Variants in GPC5 observed in about 807,000 individuals in gnomAD.
The protein encoded by GPC5 is glypican-5.
GPC5 carries 47 observed loss-of-function variants against 53.9 expected under a neutral mutation model. The ratio of observed to expected loss-of-function variants is 0.87; its 90% CI spans 0.69 to 1.11. The LOEUF (loss-of-function observed/expected upper bound fraction) is 1.11, where lower values mean the gene tolerates loss of function less well. Ranked by LOEUF, GPC5 falls within the 50% of genes most tolerant of loss-of-function variation. The pLI is 0.00. For synonymous variants in GPC5, 286 were observed against 263.3 expected (o/e 1.09, Z -0.84); for missense variants, 748 against 713.1 (o/e 1.05, Z -0.56).
intron 1 of GPC5, among the ~76,000 whole-genome samples, chr13:91,440,796 C>T (rs1481608166): frequency 6.6e-6 from 1 of 152,210 alleles, no homozygotes; most frequent in African/African-American, 2.4e-5. Context: ...TGGGCAACAA[C>T]TATAATTTTC....
chr13:91,639,675 C>G (rs545870198), intron 2 of GPC5, among the ~76,000 whole-genome samples: 1 of 151,842 alleles, frequency 6.6e-6, no homozygotes, highest in African/African-American at 2.4e-5. Flanking sequence ...GTCATTCTGA[C>G]GCAGTCACAG....
intron 6 of GPC5, among the ~76,000 whole-genome samples, chr13:92,108,116 C>T (rs2041524628): frequency 6.6e-6 from 1 of 152,184 alleles, no homozygotes; most frequent in Admixed American, 6.5e-5. Flanking sequence ...TTTCCTTTGT[C>T]ATAGCTGTTA....
intron 6 of GPC5, among the ~76,000 whole-genome samples, chr13:91,977,861 C>G (rs2040318473): frequency 6.6e-6 from 1 of 151,158 alleles, no homozygotes; most frequent in Non-Finnish European, 1.5e-5. Flanking sequence ...CCTGTAATCT[C>G]GGCACTTTGG....
chr13:92,658,878 T>A (rs1345441034), intron 7 of GPC5: 1 of 151,276 alleles, frequency 6.6e-6, no homozygotes, highest in African/African-American at 2.4e-5. Context: ...TATTTTTTTC[T>A]GGCTTTACTG....
intron 2 of GPC5, among the ~76,000 whole-genome samples, chr13:91,503,810 T>TC (rs1276943408): frequency 1.7e-4 from 25 of 147,066 alleles, no homozygotes; most frequent in African/African-American, 5.7e-4. Flanking sequence ...ATAATAATAA[T>TC]AATAATAATC....
At chr13:92,136,383 ATATAT>A (rs58527148) in intron 6 of GPC5, among the ~76,000 whole-genome samples, 17,424 of 152,132 alleles carry the variant, frequency 0.11, 1,074 homozygotes, top group African/African-American at 0.13. Context: ...TCTATACATG[ATATAT>A]TATTTAAAGA....
At chr13:92,487,995 T>C (rs1027828746) in intron 7 of GPC5, among the ~76,000 whole-genome samples, 5 of 152,060 alleles carry the variant, frequency 3.3e-5, no homozygotes, top group Non-Finnish European at 7.4e-5. Context: ...TTAGGGTGTT[T>C]ATGTGCAATT....
chr13:92,771,691 C>T (rs375814991), intron 7 of GPC5, among the ~76,000 whole-genome samples: 8 of 152,102 alleles, frequency 5.3e-5, no homozygotes, highest in South Asian at 2.1e-4. Flanking sequence ...TACCTCTAGA[C>T]GACAATTTTG....
At chr13:92,368,767 G>C (rs1440595772) in intron 7 of GPC5, among the ~76,000 whole-genome samples, 3 of 151,430 alleles carry the variant, frequency 2.0e-5, no homozygotes, top group Non-Finnish European at 4.4e-5. Context: ...AACTCAAACT[G>C]CTGTAAAAGA....
chr13:91,944,071 G>T (rs1364485454), intron 6 of GPC5, among the ~76,000 whole-genome samples: 1 of 151,678 alleles, frequency 6.6e-6, no homozygotes, highest in Non-Finnish European at 1.5e-5. Flanking sequence ...TTTTGTGGCA[G>T]GATATTTCTT....
At position 92,635,543 on chromosome 13, in the gene GPC5, C is replaced by T. The variant is rs145506791; in HGVS notation, c.1562-230739C>T. On this transcript the variant is annotated intron_variant, in intron 7 of 7. Transcript: ENST00000377067. ...CAGGAACCGGCTCCCAAGACAATGG[C>T]ATTAATCTGTACATAAGGCCAGAGC... Among the ~76,000 whole-genome samples, 956 of 152,246 alleles carry T rather than the reference C, an allele frequency of 6.3e-3. 9 individuals carry two copies. The highest frequency in any genetic ancestry group is 0.021 in the African/African-American group (893 of 41,556).
intron 7 of GPC5, among the ~76,000 whole-genome samples, chr13:92,765,194 A>G (rs771925905): frequency 6.6e-5 from 10 of 152,182 alleles, no homozygotes; most frequent in Non-Finnish European, 1.3e-4. Flanking sequence ...CTCACTGCAT[A>G]GGTATTTTCC....
chr13:92,259,740 A>C (rs1311373068), intron 7 of GPC5, among the ~76,000 whole-genome samples: 1 of 152,164 alleles, frequency 6.6e-6, no homozygotes, highest in Non-Finnish European at 1.5e-5. Flanking sequence ...ATGTGATCTC[A>C]TCAGTTTGGG....
At chr13:92,535,055 A>G (rs529110454) in intron 7 of GPC5, among the ~76,000 whole-genome samples, 1 of 152,234 alleles carries the variant, frequency 6.6e-6, no homozygotes, top group South Asian at 2.1e-4. Flanking sequence ...TTAAATTGCA[A>G]AGAACGGGAA....
chr13:92,324,541 T>G (rs2043237260), intron 7 of GPC5, among the ~76,000 whole-genome samples: 2 of 152,012 alleles, frequency 1.3e-5, no homozygotes, highest in Admixed American at 1.3e-4. Flanking sequence ...AACAAAAGTT[T>G]TCATGTTTTA....
At chr13:92,376,913 G>A (rs1389336360) in intron 7 of GPC5, among the ~76,000 whole-genome samples, 1 of 152,094 alleles carries the variant, frequency 6.6e-6, no homozygotes, top group Non-Finnish European at 1.5e-5. Flanking sequence ...CTATTTGGGA[G>A]GCTGAGGCAG....
intron 7 of GPC5, among the ~76,000 whole-genome samples, chr13:92,468,179 A>G (rs1878773993): frequency 6.6e-6 from 1 of 152,144 alleles, no homozygotes; most frequent in Non-Finnish European, 1.5e-5. Flanking sequence ...TGATTCAATT[A>G]TGGATTTAAG....
intron 6 of GPC5, among the ~76,000 whole-genome samples, chr13:92,108,652 A>G (rs1199122703): frequency 2.0e-5 from 3 of 152,242 alleles, no homozygotes; most frequent in Non-Finnish European, 4.4e-5. Context: ...AGAGACTCTC[A>G]TGTTGACTAT....
At chr13:92,614,724 C>A (rs571128973) in intron 7 of GPC5, among the ~76,000 whole-genome samples, 3 of 152,302 alleles carry the variant, frequency 2.0e-5, no homozygotes, top group African/African-American at 7.2e-5. Context: ...TCTCTTAGCT[C>A]CTCTAGTCAA....
Sources: gnomAD v4.1 joint callset for allele counts (sites outside exome capture counted in the v4.1 genomes callset) on GRCh38, gnomAD v4.1.1 for gene constraint, MANE v1.5 for transcripts, NCBI Gene and HGNC (gene_info 2026-07-23, HGNC 2026-07-21) for gene names.